The following ZNF248 variants were observed in gnomAD, a reference collection of about 807,000 sequenced individuals.
The protein encoded by ZNF248 is KRAB protein domain.
In ZNF248, 20 loss-of-function variants were observed where a neutral mutation model predicts 44.3. The observed-to-expected ratio is 0.45, with a 90% CI of 0.32 to 0.66. The LOEUF (loss-of-function observed/expected upper bound fraction) is 0.66, where lower values mean the gene tolerates loss of function less well. Among genes scored for constraint, ZNF248 ranks in the 30% least tolerant of loss-of-function variants. The pLI is 0.04. For missense variants in ZNF248, 654 were observed against 677.0 expected, an observed-to-expected ratio of 0.97 and a Z score of 0.38; for synonymous variants, 224 against 229.0, an observed-to-expected ratio of 0.98 and a Z score of 0.20.
At chr10:37,767,047 A>G in the ZNF248 span, among the ~76,000 whole-genome samples, 1 of 152,188 alleles carries the variant, frequency 6.6e-6, no homozygotes, top group Non-Finnish European at 1.5e-5. Flanking sequence ...AAATGAATGA[A>G]ATGAAGCAAG....
downstream of ZNF248, among the ~76,000 whole-genome samples, chr10:37,772,066 A>G (rs2046267563): frequency 6.6e-6 from 1 of 152,156 alleles, no homozygotes; most frequent in Non-Finnish European, 1.5e-5. Context: ...GGAGTTCGAG[A>G]CCAGCATGAC....
At chr10:37,790,270 CAA>C (rs35082361) in intron 6 of ZNF248, among the ~76,000 whole-genome samples, 27 of 91,000 alleles carry the variant, frequency 3.0e-4, no homozygotes, top group Admixed American at 2.4e-4. Flanking sequence ...GACTCTGTGT[CAA>C]AAAAAAAAAA....
In ZNF248 at chr10:37,838,012, C is replaced by T; in HGVS notation, c.115G>A (p.Glu39Lys). Reference protein sequence around the residue: ...QKILYRDVILENYSNLVSVGY... With the variant: ...QKILYRDVILKNYSNLVSVGY... ...ACTGAGACAAGATTGCTATAATTTT[C>T]CAGGATCACATCTCTGTATAGAATC... The change falls in exon 4 of 6, where the codon GAA (glutamate) becomes AAA (lysine). Residue 39 changes from glutamate to lysine, a missense_variant. Physicochemically the swap from Glu to Lys is moderately conservative, Grantham distance 56. Coordinates refer to ENST00000395867, the MANE Select transcript of ZNF248 (RefSeq NM_021045.3). The T allele has an allele frequency of 6.2e-7, 1 of 1,613,674 alleles. No homozygotes were observed. Among genetic ancestry groups the T allele is most frequent in the Non-Finnish European group, 8.5e-7 (1 of 1,179,740 alleles).
At chr10:37,783,637 A>G (rs1301997018) in intron 6 of ZNF248, among the ~76,000 whole-genome samples, 6 of 152,220 alleles carry the variant, frequency 3.9e-5, no homozygotes, top group Admixed American at 2.0e-4. Context: ...TCAAGAATGG[A>G]TGGGTTGACA....
At position 37,779,865 on chromosome 10, in the gene ZNF248, C is replaced by T. The variant is rs12768217; in HGVS notation, c.331-3290G>A. 1.6e-3 allele frequency among the ~76,000 whole-genome samples: 232 copies of T among 149,192 alleles called. 1 individual carries two copies. The highest frequency in any genetic ancestry group is 0.011 in the Middle Eastern group (3 of 276). The stretch of plus-strand genomic sequence containing the variant: ...CAAAAATCACAAGCATTTTTATACA[C>T]CAACAACAGACAAACAGAGAGCCAA... On this transcript the variant is annotated intron_variant, in intron 6 of 6. Coordinates refer to the ZNF248 transcript ENST00000615949.
At chr10:37,796,709 T>C (rs78662269) in intron 6 of ZNF248, among the ~76,000 whole-genome samples, 3 of 151,684 alleles carry the variant, frequency 2.0e-5, no homozygotes, top group South Asian at 2.1e-4. Flanking sequence ...TTTTTTTTTT[T>C]GCAAAAAAAG....
downstream of ZNF248, chr10:37,828,715 A>C (rs1162269302): frequency 1.0e-6 from 1 of 985,286 alleles, no homozygotes; most frequent in East Asian, 1.1e-4. Flanking sequence ...TAAGTACATA[A>C]TAAAAATGTA....
intron 6 of ZNF248, among the ~76,000 whole-genome samples, chr10:37,813,661 A>T (rs1164676937): frequency 6.6e-6 from 1 of 152,056 alleles, no homozygotes; most frequent in Admixed American, 6.5e-5. Flanking sequence ...TACATAATAC[A>T]TGTTAATCAG....
At chr10:37,850,215 C>G (rs562663684) in intron 3 of ZNF248, among the ~76,000 whole-genome samples, 1 of 152,308 alleles carries the variant, frequency 6.6e-6, no homozygotes, top group Admixed American at 6.5e-5. Flanking sequence ...TCTCTTTGAA[C>G]AGCGTTTGCA....
At chr10:37,777,016 G>C (rs2046649363) in intron 6 of ZNF248, among the ~76,000 whole-genome samples, 1 of 152,162 alleles carries the variant, frequency 6.6e-6, no homozygotes, top group Admixed American at 6.5e-5. Flanking sequence ...ACTAAGCTCT[G>C]TGCCAAATTT....
chr10:37,762,283 C>T, the ZNF248 span, among the ~76,000 whole-genome samples: 2 of 152,204 alleles, frequency 1.3e-5, no homozygotes, highest in Admixed American at 6.5e-5. Context: ...ATGTTCTACA[C>T]ATTGGTCAAG....
the ZNF248 span, among the ~76,000 whole-genome samples, chr10:37,771,158 T>A: frequency 6.6e-6 from 1 of 152,204 alleles, no homozygotes; most frequent in African/African-American, 2.4e-5. Flanking sequence ...ATAGGAACAC[T>A]TTTACACTGT....
intron 6 of ZNF248, among the ~76,000 whole-genome samples, chr10:37,785,522 T>TA (rs2047786070): frequency 6.6e-6 from 1 of 152,234 alleles, no homozygotes; most frequent in Non-Finnish European, 1.5e-5. Flanking sequence ...CCATGGCACT[T>TA]ACCTCTGTCA....
chr10:37,786,310 G>GC (rs1394478572), intron 6 of ZNF248, among the ~76,000 whole-genome samples: 4 of 152,114 alleles, frequency 2.6e-5, no homozygotes, highest in African/African-American at 9.7e-5. Context: ...TCTGATTATA[G>GC]GTTGTTTTTA....
At chr10:37,835,219 T>G (rs1416717280) in intron 5 of ZNF248, among the ~76,000 whole-genome samples, 1 of 152,198 alleles carries the variant, frequency 6.6e-6, no homozygotes, top group East Asian at 1.9e-4. Context: ...GTTTTGCTTT[T>G]GAGTTATATC....
At position 37,856,303 on chromosome 10, in the gene ZNF248, T is replaced by C; in HGVS notation, c.8A>G (p.Lys3Arg). MNKSQEQVSFKDV... is the reference protein window; with the variant it reads MNRSQEQVSFKDV... ...AAGAAACAAGAATCTCACCTGGGATTTGTTCATTTTCCGCTCTTAGTGGAG... is the reference window on the plus strand; with the variant it reads ...AAGAAACAAGAATCTCACCTGGGATCTGTTCATTTTCCGCTCTTAGTGGAG... The change falls in exon 3 of 6, where the codon AAA becomes AGA. Residue 3 changes from lysine to arginine, a missense_variant. By Grantham distance (26) the Lys-to-Arg change is conservative. Coordinates refer to ENST00000395867, the MANE Select transcript of ZNF248 (RefSeq NM_021045.3). The C allele has an allele frequency of 6.2e-7, 1 of 1,613,672 alleles. No individual in the cohort carries two copies. Among genetic ancestry groups the C allele is most frequent in the Non-Finnish European group, 8.5e-7 (1 of 1,179,748 alleles).
chr10:37,769,463 T>C, the ZNF248 span, among the ~76,000 whole-genome samples: 1 of 152,176 alleles, frequency 6.6e-6, no homozygotes, highest in Admixed American at 6.5e-5. Flanking sequence ...CAAGGCTGGT[T>C]CAACATATGC....
chr10:37,762,077 T>C, the ZNF248 span, among the ~76,000 whole-genome samples: 1 of 152,234 alleles, frequency 6.6e-6, no homozygotes, highest in Non-Finnish European at 1.5e-5. Flanking sequence ...GCATTCTCAG[T>C]ATTTCACTGG....
chr10:37,777,572 A>T (rs1262877654), intron 6 of ZNF248, among the ~76,000 whole-genome samples: 3 of 148,140 alleles, frequency 2.0e-5, no homozygotes, highest in African/African-American at 7.5e-5. Flanking sequence ...TTTAGGGTAC[A>T]TGTGCACATT....
Sources: gnomAD v4.1 joint callset for allele counts (sites outside exome capture counted in the v4.1 genomes callset) on GRCh38, gnomAD v4.1.1 for gene constraint, MANE v1.5 for transcripts, NCBI Gene and HGNC (gene_info 2026-07-23, HGNC 2026-07-21) for gene names.